TNIK: variants seen among roughly 807,000 people sequenced by gnomAD.
TNIK encodes TRAF2 and NCK-interacting protein kinase.
Under a neutral mutation model 191.3 loss-of-function variants are expected in TNIK, and 49 were observed. The ratio of observed to expected loss-of-function variants is 0.26; its 90% confidence interval spans 0.20 to 0.32. The LOEUF is 0.32. Among genes scored for constraint, TNIK ranks in the 10% least tolerant of loss-of-function variants. The pLI is 1.00. For synonymous variants in TNIK, 594 were observed against 600.9 expected, an observed-to-expected ratio of 0.99 and a Z score of 0.17; for missense variants, 1,155 against 1,702.3, an observed-to-expected ratio of 0.68 and a Z score of 5.66.
intron 1 of TNIK, among the ~76,000 whole-genome samples, chr3:171,390,335 T>G (rs1466075249): frequency 6.6e-6 from 1 of 152,188 alleles, no homozygotes; most frequent in Non-Finnish European, 1.5e-5. Context: ...CCACACCGTG[T>G]TTGAATGCAG....
At chr3:171,235,400 C>T (rs1219683093) in intron 2 of TNIK, among the ~76,000 whole-genome samples, 1 of 152,154 alleles carries the variant, frequency 6.6e-6, no homozygotes, top group Non-Finnish European at 1.5e-5. Flanking sequence ...GGTGTGGGGG[C>T]TCAAAAGATG....
intron 22 of TNIK, among the ~76,000 whole-genome samples, chr3:171,097,290 C>T (rs763082672): frequency 1.3e-5 from 2 of 152,122 alleles, no homozygotes; most frequent in African/African-American, 4.8e-5. Flanking sequence ...GTCTGTAATA[C>T]TAAAGGCAAG....
chr3:171,273,514 A>G (rs141580828), intron 2 of TNIK, among the ~76,000 whole-genome samples: 97 of 152,248 alleles, frequency 6.4e-4, no homozygotes, highest in Non-Finnish European at 1.2e-3. Context: ...TTATGCTACA[A>G]CCAGGTACTA....
intron 10 of TNIK, 58 bp downstream of exon 10, chr3:171,167,037 C>A (rs1183651141): frequency 6.4e-7 from 1 of 1,554,932 alleles, no homozygotes. Flanking sequence ...ATACATCAAG[C>A]GCCCATGATT....
intron 1 of TNIK, among the ~76,000 whole-genome samples, chr3:171,434,827 A>C (rs529886062): frequency 6.6e-6 from 1 of 152,016 alleles, no homozygotes; most frequent in African/African-American, 2.4e-5. Flanking sequence ...TTTCCATTAC[A>C]TTATATATTA....
chr3:171,252,131 GT>G (rs1207307738), intron 2 of TNIK, among the ~76,000 whole-genome samples: 1 of 151,938 alleles, frequency 6.6e-6, no homozygotes, highest in African/African-American at 2.4e-5. Flanking sequence ...AATCTCCTAT[GT>G]TACCTTCAGC....
intron 18 of TNIK, among the ~76,000 whole-genome samples, chr3:171,116,688 G>A (rs1726752335): frequency 6.7e-6 from 1 of 149,202 alleles, no homozygotes; most frequent in Non-Finnish European, 1.5e-5. Context: ...TTAGTCATTG[G>A]GTTTGACTGG....
intron 22 of TNIK, among the ~76,000 whole-genome samples, chr3:171,094,869 C>T (rs1252148822): frequency 2.0e-5 from 3 of 152,166 alleles, no homozygotes; most frequent in Non-Finnish European, 2.9e-5. Context: ...CTTTCTCCTT[C>T]CCTCTCATTG....
chr3:171,163,978 A>C (rs1242204298), intron 10 of TNIK, among the ~76,000 whole-genome samples: 2 of 152,240 alleles, frequency 1.3e-5, no homozygotes, highest in Admixed American at 1.3e-4. Flanking sequence ...TAAGAAAGTG[A>C]AAAGTAATAT....
intron 2 of TNIK, among the ~76,000 whole-genome samples, chr3:171,257,909 T>C (rs1264148138): frequency 3.3e-5 from 5 of 152,242 alleles, no homozygotes; most frequent in African/African-American, 9.6e-5. Context: ...GTTGAGATTC[T>C]GATTTCATTG....
chr3:171,455,303 G>A (rs1039629334), intron 1 of TNIK, among the ~76,000 whole-genome samples: 1 of 151,598 alleles, frequency 6.6e-6, no homozygotes, highest in East Asian at 1.9e-4. Flanking sequence ...ACTGAGGCTG[G>A]AGTGCCGTGA....
rs181221027 is a variant in TNIK at position 171,398,756 on chromosome 3, G to A, written c.58-29071C>T. 3.3e-5 allele frequency among the ~76,000 whole-genome samples: 5 copies of A among 152,340 alleles called. No homozygotes were observed. The East Asian group carries it at 9.6e-4, about 29-fold the overall frequency. Reference sequence around the variant, plus strand: ...CTACCTACATTCTACCTATGGGAGTGTATTCATGGTTCCTTTGACGTGTCA... The same window carrying A: ...CTACCTACATTCTACCTATGGGAGTATATTCATGGTTCCTTTGACGTGTCA... On this transcript the variant is annotated intron_variant, in intron 1 of 32. Coordinates refer to ENST00000436636, the MANE Select transcript of TNIK (RefSeq NM_015028.4).
At chr3:171,282,787 T>C (rs1750614656) in intron 2 of TNIK, among the ~76,000 whole-genome samples, 1 of 152,256 alleles carries the variant, frequency 6.6e-6, no homozygotes, top group Non-Finnish European at 1.5e-5. Context: ...AACTATTTTC[T>C]ATTCTCAAGA....
intron 30 of TNIK, 40 bp from the exon 31 acceptor site, chr3:171,066,775 A>G: frequency 6.3e-7 from 1 of 1,587,074 alleles, no homozygotes; most frequent in Non-Finnish European, 8.6e-7. Flanking sequence ...TCTTTTAAAA[A>G]ATAAAACACC....
intron 12 of TNIK, among the ~76,000 whole-genome samples, chr3:171,156,110 G>A (rs1300024621): frequency 6.6e-6 from 1 of 152,180 alleles, no homozygotes; most frequent in Non-Finnish European, 1.5e-5. Context: ...TTTTGCATGA[G>A]AGATAATCAA....
intron 10 of TNIK, 62 bp downstream of exon 10, chr3:171,167,033 C>T: frequency 1.3e-6 from 2 of 1,548,432 alleles, no homozygotes; most frequent in Non-Finnish European, 1.7e-6. Flanking sequence ...CCAAATACAT[C>T]AAGCGCCCAT....
At chr3:171,187,206 A>G (rs1395928904) in intron 7 of TNIK, among the ~76,000 whole-genome samples, 2 of 152,228 alleles carry the variant, frequency 1.3e-5, no homozygotes, top group African/African-American at 4.8e-5. Context: ...TGATACCCAT[A>G]TCTGGCCTGG....
rs549866715 is a variant in TNIK at position 171,338,267 on chromosome 3, A to C, written c.123+31353T>G. 3.3e-5 allele frequency among the ~76,000 whole-genome samples: 5 copies of C among 152,222 alleles called. No homozygotes were observed. The South Asian group carries it at 1.0e-3, about 32-fold the overall frequency. On this transcript the variant is annotated intron_variant, in intron 2 of 32. Transcript: ENST00000436636. Reference sequence around the variant, plus strand: ...CTCATTTCAGTAACAACAACAACAAAAGTGACATGTATAGGGGTGTGTGTA... The same window carrying C: ...CTCATTTCAGTAACAACAACAACAACAGTGACATGTATAGGGGTGTGTGTA...
chr3:171,102,599 G>A (rs530989224), intron 21 of TNIK, among the ~76,000 whole-genome samples: 80 of 152,248 alleles, frequency 5.3e-4, no homozygotes, highest in African/African-American at 1.7e-3. Context: ...ATGCAAATGG[G>A]GAAAAAGCAA....
Sources: gnomAD v4.1 joint callset for allele counts (sites outside exome capture counted in the v4.1 genomes callset) on GRCh38, gnomAD v4.1.1 for gene constraint, MANE v1.5 for transcripts, NCBI Gene and HGNC (gene_info 2026-07-23, HGNC 2026-07-21) for gene names.